SLC66A3: variants seen among roughly 807,000 people sequenced by gnomAD.
SLC66A3 encodes the protein PQ loop repeat containing 3.
SLC66A3 carries 23 observed loss-of-function variants against 25.5 expected under a neutral mutation model. The observed-to-expected ratio is 0.90, with a 90% CI of 0.65 to 1.28. The LOEUF (loss-of-function observed/expected upper bound fraction) is 1.28. SLC66A3 is among the 50% of genes most tolerant of loss of function. The pLI is 0.00. For synonymous variants in SLC66A3, 108 were observed against 112.6 expected (o/e 0.96, Z 0.26); for missense variants, 246 against 262.1 (o/e 0.94, Z 0.42).
chr2:11,164,955 A>G (rs1662266823), intron 4 of SLC66A3, among the ~76,000 whole-genome samples: 1 of 152,244 alleles, frequency 6.6e-6, no homozygotes, highest in Non-Finnish European at 1.5e-5. Context: ...AGACACAGCA[A>G]CAATCTGATT....
intron 4 of SLC66A3, among the ~76,000 whole-genome samples, chr2:11,167,812 C>T (rs920180259): frequency 2.0e-5 from 3 of 152,084 alleles, no homozygotes; most frequent in Non-Finnish European, 2.9e-5. Flanking sequence ...TAGAGAGGAG[C>T]GGGTGCTGCT....
intron 4 of SLC66A3, among the ~76,000 whole-genome samples, chr2:11,168,231 G>A (rs1017302334): frequency 3.3e-5 from 5 of 151,550 alleles, no homozygotes; most frequent in African/African-American, 1.2e-4. Context: ...GTTGCAGTGA[G>A]CCAAGATTGA....
At chr2:11,156,266 GTCTC>G in intron 1 of SLC66A3, among the ~76,000 whole-genome samples, 1 of 152,190 alleles carries the variant, frequency 6.6e-6, no homozygotes, top group Admixed American at 6.5e-5. Context: ...AAGTTGGAGA[GTCTC>G]TGCAGTTGGG....
intron 6 of SLC66A3, among the ~76,000 whole-genome samples, chr2:11,176,272 G>C (rs1354964999): frequency 1.3e-5 from 2 of 152,172 alleles, no homozygotes; most frequent in African/African-American, 2.4e-5. Flanking sequence ...CTGGAGTGCA[G>C]TGGTGTGATC....
At chr2:11,167,107 T>G (rs1220724249) in intron 4 of SLC66A3, among the ~76,000 whole-genome samples, 2 of 152,324 alleles carry the variant, frequency 1.3e-5, no homozygotes, top group East Asian at 3.9e-4. Flanking sequence ...GCTGTGAGCC[T>G]TCACCCCTGA....
intron 3 of SLC66A3, among the ~76,000 whole-genome samples, chr2:11,161,488 G>T (rs1229728396): frequency 6.6e-6 from 1 of 151,580 alleles, no homozygotes; most frequent in Non-Finnish European, 1.5e-5. Flanking sequence ...GTAGATACGG[G>T]GTCTCACTAT....
intron 1 of SLC66A3, among the ~76,000 whole-genome samples, chr2:11,157,060 T>C (rs546047643): frequency 2.6e-4 from 40 of 152,300 alleles, no homozygotes; most frequent in African/African-American, 9.4e-4. Context: ...AGCCAGGCTG[T>C]CTGTAGAGTC....
At position 11,155,554 on chromosome 2, in the gene SLC66A3, C is replaced by T. The variant is rs1416834584; in HGVS notation, c.8C>T (p.Ala3Val). Residue 3 changes from alanine (A) to valine (V), a missense_variant, in exon 1 of 7, where the codon GCG (alanine) becomes GTG (valine). Physicochemically the swap from Ala to Val is moderately conservative, Grantham distance 64. Coordinates refer to ENST00000295083, the MANE Select transcript of SLC66A3 (RefSeq NM_152391.5). ME[A>V]ALLGLCNWST... ...GCCCGCGCCCGTGGCGCTATGGAGG[C>T]GGCGCTGCTGGGGCTGTGTAACTGG... The T allele has an allele frequency of 3.3e-6, 5 of 1,500,414 alleles. No homozygotes were observed. Among genetic ancestry groups the T allele is most frequent in the Non-Finnish European group, 4.4e-6 (5 of 1,133,730 alleles). The allele number at this position is 1,500,414 out of a possible 1,614,324, so 92.9% of individuals were successfully genotyped here.
Position 11,172,018 on chromosome 2 carries a change from T to G in SLC66A3, c.448T>G (p.Trp150Gly), listed in dbSNP as rs770417603. 1.9e-6 allele frequency: 3 copies of G among 1,614,118 alleles called. No homozygotes were observed. Among genetic ancestry groups the G allele is most frequent in the Non-Finnish European group, 2.5e-6 (3 of 1,179,978 alleles). Reference sequence around the variant, plus strand: ...CTCAGGAACTGTGAGTGCGCTGACTTGGAGCCTCTCTTCCTATACCTGTGC... The same window carrying G: ...CTCAGGAACTGTGAGTGCGCTGACTGGGAGCCTCTCTTCCTATACCTGTGC... ...RDSGTVSALT[W>G]SLSSYTCATR... The change falls in exon 5 of 7, where the codon TGG becomes GGG. Residue 150 changes from tryptophan to glycine, a missense_variant. This residue lies in a region of SLC66A3 where 93 missense variants were observed against 102.6 expected (regional missense o/e 0.91). Coordinates refer to ENST00000295083, the MANE Select transcript of SLC66A3 (RefSeq NM_152391.5).
At position 11,178,652 on chromosome 2, in the gene SLC66A3, T is replaced by C. The variant is rs1314134114; in HGVS notation, c.*824T>C. The C allele has an allele frequency of 6.6e-6, 1 of 152,506 alleles. No homozygotes were observed. The highest frequency in any genetic ancestry group is 2.1e-4 in the South Asian group (1 of 4,836). The allele number at this position is 152,506 out of a possible 1,614,324, so 9.4% of individuals were successfully genotyped here. On this transcript the variant is annotated 3_prime_UTR_variant, in exon 7 of 7. Transcript: ENST00000295083. ...GTGTTGTTAGGTAGGTTCTGTCCAG[T>C]TCTTAGGGACTTTTTTCACATTATA...
chr2:11,165,653 G>T (rs1324693440), intron 4 of SLC66A3, among the ~76,000 whole-genome samples: 3 of 152,208 alleles, frequency 2.0e-5, no homozygotes, highest in African/African-American at 4.8e-5. Flanking sequence ...ACTTTGGGAG[G>T]CCAAGGCAGG....
At chr2:11,164,346 T>TATATATATATATA (rs1553289115) in intron 4 of SLC66A3, 85 bp downstream of exon 4, 7 of 76,796 alleles carry the variant, frequency 9.1e-5, no homozygotes, top group African/African-American at 8.3e-5. Context: ...TATATATATA[T>TATATATATATATA]TTTTTTTTTT....
At chr2:11,160,748 G>T in intron 3 of SLC66A3, 54 bp downstream of exon 3, 1 of 1,612,162 alleles carries the variant, frequency 6.2e-7, no homozygotes, top group Non-Finnish European at 8.5e-7. Flanking sequence ...ATTTGTGAAT[G>T]GTATGCATTG....
At position 11,160,512 on chromosome 2, in the gene SLC66A3, C is replaced by G. The variant is rs544305755; in HGVS notation, c.190C>G (p.Leu64Val). ...RYQCYYGYPP[L>V]TYLEYPILIA... ...CCAGTGTTACTATGGGTATCCGCCG[C>G]TGACCTACCTGGAGTACCCCATCCT... Residue 64 changes from leucine (L) to valine (V), a missense_variant, in exon 2 of 7, where the codon CTG becomes GTG. Around this residue, in one of 3 missense-constraint regions of SLC66A3, gnomAD observed 142 missense variants for 130.3 expected, o/e 1.09. Coordinates refer to ENST00000295083, the MANE Select transcript of SLC66A3 (RefSeq NM_152391.5). 4.3e-6 allele frequency: 7 copies of G among 1,614,202 alleles called. No individual in the cohort carries two copies. In the African/African-American group the frequency reaches 5.3e-5, roughly 12 times the overall value.
chr2:11,155,498 A>G lies in SLC66A3; in HGVS notation c.-49A>G. ...CGGCAGAGCTGCGCCGCCGAGGCTG[A>G]GCGGTCCCTTCTCGCTGCGGCCGCC... On this transcript the variant is annotated 5_prime_UTR_variant, in exon 1 of 7. Coordinates refer to ENST00000295083, the MANE Select transcript of SLC66A3 (RefSeq NM_152391.5). 6.9e-7 allele frequency: 1 copy of G among 1,453,132 alleles called. No individual in the cohort carries two copies. Among genetic ancestry groups the G allele is most frequent in the Non-Finnish European group, 9.0e-7 (1 of 1,111,474 alleles). The allele number at this position is 1,453,132 out of a possible 1,614,324, so 90.0% of individuals were successfully genotyped here. A position where few individuals can be genotyped will look rare whatever the true frequency, so the allele number is the denominator to read the frequency against.
intron 4 of SLC66A3, among the ~76,000 whole-genome samples, chr2:11,165,129 C>T (rs536478289): frequency 1.1e-3 from 160 of 150,582 alleles, no homozygotes; most frequent in African/African-American, 3.7e-3. Flanking sequence ...CACCCCCCAC[C>T]TCCCGGACGG....
intron 6 of SLC66A3, among the ~76,000 whole-genome samples, chr2:11,176,153 GATTT>G (rs1476120056): frequency 2.6e-5 from 4 of 152,332 alleles, no homozygotes; most frequent in Middle Eastern, 3.4e-3. Flanking sequence ...TTCTAATTGT[GATTT>G]ATTTCTTATC....
At chr2:11,168,731 G>T (rs1210593078) in intron 4 of SLC66A3, among the ~76,000 whole-genome samples, 1 of 152,100 alleles carries the variant, frequency 6.6e-6, no homozygotes, top group Non-Finnish European at 1.5e-5. Context: ...CCTGCCTGGG[G>T]CCAGCCATCC....
intron 1 of SLC66A3, among the ~76,000 whole-genome samples, chr2:11,156,414 A>G (rs1421233125): frequency 6.6e-6 from 1 of 152,176 alleles, no homozygotes; most frequent in Non-Finnish European, 1.5e-5. Flanking sequence ...AGGAAAACAC[A>G]TACCTCAACC....
Sources: allele counts gnomAD v4.1 joint callset (sites outside exome capture counted in the v4.1 genomes callset), GRCh38; gene constraint gnomAD v4.1.1; regional missense constraint gnomAD v4.1.1; transcripts MANE v1.5; gene names NCBI Gene and HGNC (gene_info 2026-07-23, HGNC 2026-07-21).